SFSWAP: variants seen among roughly 807,000 people sequenced by gnomAD.
The protein encoded by SFSWAP is splicing factor, suppressor of white-apricot homolog.
SFSWAP carries 17 observed loss-of-function variants against 100.7 expected under a neutral mutation model. The ratio of observed to expected loss-of-function variants is 0.17; its 90% confidence interval spans 0.12 to 0.25. The LOEUF is 0.25. Ranked by LOEUF, SFSWAP falls within the 10% of genes least tolerant of loss-of-function variation. The pLI, the probability that SFSWAP is intolerant of heterozygous loss-of-function variation, is 1.00. For synonymous variants in SFSWAP, 504 were observed against 510.1 expected, an observed-to-expected ratio of 0.99 and a Z score of 0.16; for missense variants, 1,005 against 1,262.6, an observed-to-expected ratio of 0.80 and a Z score of 3.09.
At position 131,729,615 on chromosome 12, in the gene SFSWAP, TC is replaced by T. The variant is rs564225251; in HGVS notation, c.1081+1188del. Among the ~76,000 whole-genome samples, 54 of 152,340 alleles carry T rather than the reference TC, an allele frequency of 3.5e-4. 1 individual carries two copies. In the South Asian group the frequency reaches 0.011, roughly 30 times the overall value. On this transcript the variant is annotated intron_variant, in intron 7 of 17. Transcript: ENST00000261674. The stretch of plus-strand genomic sequence containing the variant: ...TTTTATGGTATTCATTAAAGGTAAG[TC>T]TTGAAGGTCCATGCAGGAGATCATT...
Position 131,714,630 on chromosome 12 carries a change from G to C in SFSWAP, c.389-192G>C. On this transcript the variant is annotated intron_variant, in intron 2 of 17. Transcript: ENST00000261674. This position sits in a 1 kb window ranked among gnomAD's most constrained non-coding sequence, Gnocchi z 6.0. ...ACAAAAGACGTGTATTCAGCTGTCT[G>C]TGGGTAAACATGTACTGACAAAAGT... The C allele has an allele frequency of 1.7e-6, 1 of 590,116 alleles. No homozygotes were observed. Among genetic ancestry groups the C allele is most frequent in the Non-Finnish European group, 2.9e-6 (1 of 340,568 alleles). 36.6% of individuals were successfully genotyped at this position (590,116 alleles called of 1,614,324 possible).
At chr12:131,787,664 G>A (rs935396197) in intron 15 of SFSWAP, among the ~76,000 whole-genome samples, 11 of 152,222 alleles carry the variant, frequency 7.2e-5, no homozygotes, top group Non-Finnish European at 1.2e-4. Flanking sequence ...CAGAGGACGA[G>A]CCTTACATTG....
Position 131,722,104 on chromosome 12 carries a change from G to A in SFSWAP, c.606+2565G>A, listed in dbSNP as rs537301107. Among the ~76,000 whole-genome samples, 10 of 152,326 alleles carry A rather than the reference G, an allele frequency of 6.6e-5. No individual in the cohort carries two copies. In the South Asian group the frequency reaches 2.1e-3, roughly 32 times the overall value. ...TAAGTAGACTATTGCTGCTTAAGGG[G>A]GCAGGACATGGTTTGACTCACTGAC... On this transcript the variant is annotated intron_variant, in intron 4 of 17. Coordinates refer to ENST00000261674, the MANE Select transcript of SFSWAP (RefSeq NM_004592.4).
rs953038418 is a variant in SFSWAP at position 131,730,693 on chromosome 12, T to A, written c.1081+2265T>A. Among the ~76,000 whole-genome samples, 1 of 152,110 alleles carries A rather than the reference T, an allele frequency of 6.6e-6. No homozygotes were observed. The highest frequency in any genetic ancestry group is 1.5e-5 in the Non-Finnish European group (1 of 68,022). On this transcript the variant is annotated intron_variant, in intron 7 of 17. Transcript: ENST00000261674. The surrounding 1 kb of genome is among the most constrained non-coding windows in gnomAD (Gnocchi z 4.0). ...TGCTGATGGCTCCCGAGACCACTGA[T>A]AAGCCGTGACAGCCTCTGCAGGAAC... is the stretch of plus-strand genomic sequence containing the variant.
rs547297737 is a variant in SFSWAP at position 131,732,467 on chromosome 12, T to G, written c.1081+4039T>G. On this transcript the variant is annotated intron_variant, in intron 7 of 17. Coordinates refer to ENST00000261674, the MANE Select transcript of SFSWAP (RefSeq NM_004592.4). The stretch of plus-strand genomic sequence containing the variant: ...AATGTAGTGTATGAGGTTGGTGGGC[T>G]ATTTTGAAATTCCTGCTTCAGCCAG... 3.9e-5 allele frequency among the ~76,000 whole-genome samples: 6 copies of G among 152,322 alleles called. No homozygotes were observed. The South Asian group carries it at 1.0e-3, about 26-fold the overall frequency.
At chr12:131,773,349 T>C (rs1413944155) in intron 13 of SFSWAP, among the ~76,000 whole-genome samples, 1 of 152,132 alleles carries the variant, frequency 6.6e-6, no homozygotes, top group African/African-American at 2.4e-5. Context: ...ATTTTTTTTC[T>C]TTTTCTTTTT....
rs138525591 is a variant in SFSWAP at position 131,729,163 on chromosome 12, G to A, written c.1081+735G>A. On this transcript the variant is annotated intron_variant, in intron 7 of 17. Coordinates refer to ENST00000261674, the MANE Select transcript of SFSWAP (RefSeq NM_004592.4). ...AGTCAAATGCTGGTAAGAACAGGGA[G>A]AATGGGAGACACATAGTATTGTCTA... 2.2e-4 allele frequency among the ~76,000 whole-genome samples: 33 copies of A among 152,288 alleles called. No individual in the cohort carries two copies. The East Asian group carries it at 6.4e-3, about 29-fold the overall frequency.
chr12:131,753,121 A>G lies in SFSWAP; in HGVS notation c.1082-2A>G. The G allele has an allele frequency of 1.9e-6, 3 of 1,614,102 alleles. No homozygotes were observed. The highest frequency in any genetic ancestry group is 2.5e-6 in the Non-Finnish European group (3 of 1,179,998). ...TCACTCCGGGGCAATGTGTCTCCAC[A>G]GCGACCGTGGCAGCCATGTATTACA... On this transcript the variant is annotated splice_acceptor_variant, in intron 7 of 17. Transcript: ENST00000261674. LOFTEE classifies it high-confidence loss of function.
At position 131,753,599 on chromosome 12, in the gene SFSWAP, C is replaced by T. The variant is rs771156508; in HGVS notation, c.1322+236C>T. On this transcript the variant is annotated intron_variant, in intron 8 of 17. Transcript: ENST00000261674. The stretch of plus-strand genomic sequence containing the variant: ...CACTTATAAAGTTGAATTCATTTCA[C>T]GTCGCACGCTGGCCCCAGATCTCCA... 2.5e-5 allele frequency: 14 copies of T among 554,232 alleles called. 1 individual carries two copies. The highest frequency in any genetic ancestry group is 3.1e-5 in the Non-Finnish European group (10 of 318,744). The allele number at this position is 554,232 out of a possible 1,614,324, so 34.3% of individuals were successfully genotyped here.
At chr12:131,766,913 G>C (rs1362366027) in intron 13 of SFSWAP, among the ~76,000 whole-genome samples, 1 of 152,260 alleles carries the variant, frequency 6.6e-6, no homozygotes, top group Admixed American at 6.5e-5. Context: ...GAGGCCTTCA[G>C]TAGACACTGG....
chr12:131,775,451 A>T (rs1465725035), intron 13 of SFSWAP, among the ~76,000 whole-genome samples: 1 of 152,050 alleles, frequency 6.6e-6, no homozygotes, highest in African/African-American at 2.4e-5. Context: ...TGTGCTCCTG[A>T]TGTAGAGGCC....
At position 131,711,531 on chromosome 12, in the gene SFSWAP, CAG is replaced by C; in HGVS notation, c.218+89_218+90del. On this transcript the variant is annotated intron_variant, in intron 1 of 17. Transcript: ENST00000261674. This position sits in a 1 kb window ranked among gnomAD's most constrained non-coding sequence, Gnocchi z 4.9. ...GATGTTGACTTGACTGCAAGGACTG[CAG>C]AGAGTTTTCTGGAGCCAGCGGGGAT... is the stretch of plus-strand genomic sequence containing the variant. 3 of 1,198,382 alleles carry C rather than the reference CAG, an allele frequency of 2.5e-6. No homozygotes were observed. Among genetic ancestry groups the C allele is most frequent in the African/African-American group, 1.5e-5 (1 of 67,238 alleles). The allele number at this position is 1,198,382 out of a possible 1,614,324, so 74.2% of individuals were successfully genotyped here. A position where few individuals can be genotyped will look rare whatever the true frequency, so the allele number is the denominator to read the frequency against.
rs139429077 is a variant in SFSWAP, at chr12:131,714,878, G to C, written c.445G>C (p.Val149Leu). 1.9e-6 allele frequency: 3 copies of C among 1,614,030 alleles called. No homozygotes were observed. The African/African-American group carries it at 4.0e-5, about 22-fold the overall frequency. Reference protein sequence around the residue: ...ALAEDGSYNAVGFTYGSDYYD... With the variant: ...ALAEDGSYNALGFTYGSDYYD... ...AGCAGAGGATGGGAGCTACAATGCC[G>C]TGGGGTTCACTTACGGTAGCGACTA... The change falls in exon 3 of 18, where the codon GTG becomes CTG. Residue 149 changes from valine (V) to leucine (L), a missense_variant. By Grantham distance (32) the Val-to-Leu change is conservative (BLOSUM62 1). Around this residue, in one of 7 missense-constraint regions of SFSWAP, gnomAD observed 237 missense variants for 337.0 expected, o/e 0.70. Transcript: ENST00000261674. This position sits in a 1 kb window ranked among gnomAD's most constrained non-coding sequence, Gnocchi z 6.0.
intron 4 of SFSWAP, among the ~76,000 whole-genome samples, chr12:131,724,899 T>C (rs2136187098): frequency 6.6e-6 from 1 of 152,306 alleles, no homozygotes; most frequent in Middle Eastern, 3.4e-3. Context: ...AGAAAAGACA[T>C]GGCGTACTCT....
chr12:131,738,690 C>T (rs1880280611), intron 7 of SFSWAP, among the ~76,000 whole-genome samples: 1 of 152,012 alleles, frequency 6.6e-6, no homozygotes, highest in Non-Finnish European at 1.5e-5. Context: ...AATTATTCAA[C>T]TTTTTCTTTG....
chr12:131,798,916 C>T, intron 16 of SFSWAP, 121 bp from the exon 17 acceptor site: 2 of 695,348 alleles, frequency 2.9e-6, no homozygotes, highest in Non-Finnish European at 5.2e-6. Context: ...ATACTGGAAG[C>T]AGATGCAGTG....
rs1414847657 is a variant in SFSWAP at position 131,734,313 on chromosome 12, C to G, written c.1081+5885C>G. 1.3e-5 allele frequency among the ~76,000 whole-genome samples: 2 copies of G among 152,206 alleles called. No homozygotes were observed. Among genetic ancestry groups the G allele is most frequent in the African/African-American group, 4.8e-5 (2 of 41,446 alleles). Reference sequence around the variant, plus strand: ...ATAGCAAAGTTACAGACTTTGGATTCTTACGAAGACAAGAATGAATGTCTT... The same window carrying G: ...ATAGCAAAGTTACAGACTTTGGATTGTTACGAAGACAAGAATGAATGTCTT... On this transcript the variant is annotated intron_variant, in intron 7 of 17. Transcript: ENST00000261674. This position sits in a 1 kb window ranked among gnomAD's most constrained non-coding sequence, Gnocchi z 4.9.
chr12:131,735,361 T>C (rs1262110812), intron 7 of SFSWAP, among the ~76,000 whole-genome samples: 1 of 152,220 alleles, frequency 6.6e-6, no homozygotes, highest in East Asian at 1.9e-4. Flanking sequence ...TTTTCCCATT[T>C]GTACCATTAG....
chr12:131,791,229 C>G (rs1165310204), intron 15 of SFSWAP, among the ~76,000 whole-genome samples: 1 of 151,866 alleles, frequency 6.6e-6, no homozygotes, highest in Admixed American at 6.6e-5. Flanking sequence ...CCCGTCACTA[C>G]TAAAAATATA....
Sources: gnomAD v4.1 joint callset for allele counts (sites outside exome capture counted in the v4.1 genomes callset) on GRCh38, gnomAD v4.1.1 for gene constraint, gnomAD v4.1.1 regional missense constraint, Gnocchi (gnomAD v3.1) non-coding constraint, MANE v1.5 for transcripts, NCBI Gene and HGNC (gene_info 2026-07-23, HGNC 2026-07-21) for gene names.